The following MARK1 variants were observed in gnomAD, a reference collection of about 807,000 sequenced individuals.
MARK1 encodes microtubule affinity regulating kinase 1.
Under a neutral mutation model 96.3 loss-of-function variants are expected in MARK1, and 40 were observed. That is an observed-to-expected ratio of 0.42 (90% CI 0.32 to 0.54). MARK1 has a LOEUF of 0.54. Ranked by LOEUF, MARK1 falls within the 20% of genes least tolerant of loss-of-function variation. The pLI is 0.16. For missense variants in MARK1, 719 were observed against 984.6 expected (o/e 0.73, Z 3.61); for synonymous variants, 317 against 341.2 (o/e 0.93, Z 0.78).
intron 1 of MARK1, among the ~76,000 whole-genome samples, chr1:220,558,944 A>C (rs1420278721): frequency 6.6e-6 from 1 of 152,206 alleles, no homozygotes; most frequent in Non-Finnish European, 1.5e-5. Context: ...CACATATTAG[A>C]AAATAAGGAA....
chr1:220,570,992 G>A (rs1224958269), intron 1 of MARK1, among the ~76,000 whole-genome samples: 1 of 152,092 alleles, frequency 6.6e-6, no homozygotes, highest in Non-Finnish European at 1.5e-5. Context: ...TGTGTTTTAT[G>A]TTTTTGTAAA....
At chr1:220,553,039 A>G (rs1392239709) in intron 1 of MARK1, among the ~76,000 whole-genome samples, 1 of 152,208 alleles carries the variant, frequency 6.6e-6, no homozygotes, top group African/African-American at 2.4e-5. Context: ...GGCTGGAGAA[A>G]GAGAGTAACT....
At chr1:220,656,835 A>G (rs1241465738) in intron 16 of MARK1, among the ~76,000 whole-genome samples, 1 of 152,126 alleles carries the variant, frequency 6.6e-6, no homozygotes, top group Non-Finnish European at 1.5e-5. Context: ...GTATTAGTTA[A>G]AGACCCTGAG....
At chr1:220,578,014 A>G (rs1244533434) in intron 1 of MARK1, among the ~76,000 whole-genome samples, 1 of 152,208 alleles carries the variant, frequency 6.6e-6, no homozygotes, top group Non-Finnish European at 1.5e-5. Flanking sequence ...ACTTTGAATC[A>G]TGCTTTGCGT....
intron 1 of MARK1, among the ~76,000 whole-genome samples, chr1:220,559,596 A>G (rs1662523080): frequency 6.6e-6 from 1 of 152,208 alleles, no homozygotes; most frequent in African/African-American, 2.4e-5. Context: ...AGAGGGAGTA[A>G]TTGATGATTC....
At chr1:220,610,416 T>C (rs1299088123) in intron 6 of MARK1, among the ~76,000 whole-genome samples, 1 of 152,206 alleles carries the variant, frequency 6.6e-6, no homozygotes, top group Non-Finnish European at 1.5e-5. Flanking sequence ...ATTTAAGGTC[T>C]TCTCTACACT....
chr1:220,652,166 C>T lies in MARK1; in HGVS notation c.1736+16C>T, dbSNP rs949489536. On this transcript the variant is annotated intron_variant, in intron 15 of 17. Coordinates refer to ENST00000366917, the MANE Select transcript of MARK1 (RefSeq NM_018650.5). ...ACCGGCCTGGGTAATGTGTTGGTTACATCTCATTTTGTTCATTAAGAGTTT... is the reference window on the plus strand; with the variant it reads ...ACCGGCCTGGGTAATGTGTTGGTTATATCTCATTTTGTTCATTAAGAGTTT... 29 of 1,576,896 alleles carry T rather than the reference C, an allele frequency of 1.8e-5. No individual in the cohort carries two copies. The highest frequency in any genetic ancestry group is 2.3e-5 in the Non-Finnish European group (27 of 1,151,708).
In MARK1 at chr1:220,528,758, C is replaced by T; in HGVS notation, c.-65C>T. On this transcript the variant is annotated 5_prime_UTR_variant, in exon 1 of 18. Transcript: ENST00000366917. ...TCGCGTCCGCACCCCTTTCCTGTCG[C>T]CCCCCGGGGCCCGCACCACAGCCCG... 2 of 1,475,600 alleles carry T rather than the reference C, an allele frequency of 1.4e-6. No homozygotes were observed. The highest frequency in any genetic ancestry group is 1.2e-5 in the South Asian group (1 of 80,876). The allele number at this position is 1,475,600 out of a possible 1,614,324, so 91.4% of individuals were successfully genotyped here. A position where few individuals can be genotyped will look rare whatever the true frequency, so the allele number is the denominator to read the frequency against.
chr1:220,633,679 C>T (rs1198933077), intron 11 of MARK1, among the ~76,000 whole-genome samples: 5 of 152,174 alleles, frequency 3.3e-5, no homozygotes, highest in Non-Finnish European at 7.3e-5. Context: ...CAAGGCAGGT[C>T]TGTGTGACAT....
At chr1:220,581,567 A>G (rs1301275707) in intron 3 of MARK1, among the ~76,000 whole-genome samples, 1 of 152,200 alleles carries the variant, frequency 6.6e-6, no homozygotes, top group South Asian at 2.1e-4. Context: ...GTTTTCAGAT[A>G]AAGTCCAGAG....
intron 1 of MARK1, among the ~76,000 whole-genome samples, chr1:220,532,838 T>C (rs1660406477): frequency 6.6e-6 from 1 of 151,952 alleles, no homozygotes; most frequent in Admixed American, 6.6e-5. Context: ...AAACCCTGTC[T>C]CCACTAAAAA....
intron 3 of MARK1, among the ~76,000 whole-genome samples, chr1:220,581,869 G>T (rs1664263850): frequency 1.3e-5 from 2 of 152,136 alleles, no homozygotes; most frequent in South Asian, 4.1e-4. Flanking sequence ...GCACATTTTA[G>T]TACTTTAAAA....
intron 2 of MARK1, among the ~76,000 whole-genome samples, 169 bp downstream of exon 2, chr1:220,579,726 G>A (rs1395079491): frequency 6.6e-6 from 1 of 152,158 alleles, no homozygotes; most frequent in African/African-American, 2.4e-5. Flanking sequence ...CATAAAAGTT[G>A]ACCTTTTAAT....
chr1:220,613,874 CTT>C (rs1390012149), intron 6 of MARK1, among the ~76,000 whole-genome samples: 1 of 152,138 alleles, frequency 6.6e-6, no homozygotes, highest in Non-Finnish European at 1.5e-5. Flanking sequence ...GAATTCATGA[CTT>C]TGACCAACCT....
chr1:220,632,018 C>A (rs1193216077), intron 10 of MARK1, among the ~76,000 whole-genome samples, 183 bp from the exon 11 acceptor site: 1 of 152,128 alleles, frequency 6.6e-6, no homozygotes, highest in African/African-American at 2.4e-5. Context: ...GTAAAATTAT[C>A]ATTGTACAAT....
intron 1 of MARK1, among the ~76,000 whole-genome samples, chr1:220,546,722 T>G (rs1472691146): frequency 2.0e-5 from 3 of 152,140 alleles, no homozygotes; most frequent in African/African-American, 7.2e-5. Flanking sequence ...CCTGTAATCC[T>G]GGCACTTTGG....
chr1:220,649,071 CAT>C (rs1218559766), intron 13 of MARK1, among the ~76,000 whole-genome samples: 3 of 152,184 alleles, frequency 2.0e-5, no homozygotes, highest in Non-Finnish European at 2.9e-5. Flanking sequence ...ATGTTAATGA[CAT>C]GTTAAATGGG....
chr1:220,636,258 C>T (rs1170501257), intron 13 of MARK1, among the ~76,000 whole-genome samples: 1 of 152,124 alleles, frequency 6.6e-6, no homozygotes, highest in Non-Finnish European at 1.5e-5. Flanking sequence ...GTACATGAAA[C>T]TTTCCTGCTT....
intron 3 of MARK1, among the ~76,000 whole-genome samples, chr1:220,594,205 A>G (rs573798358): frequency 1.6e-4 from 24 of 152,378 alleles, no homozygotes; most frequent in Admixed American, 1.4e-3. Context: ...TGATTAACAC[A>G]TAGGTGAAGG....
Sources: allele counts gnomAD v4.1 joint callset (sites outside exome capture counted in the v4.1 genomes callset), GRCh38; gene constraint gnomAD v4.1.1; transcripts MANE v1.5; gene names NCBI Gene and HGNC (gene_info 2026-07-23, HGNC 2026-07-21).